Variants in ADAM9 observed in about 807,000 individuals in gnomAD.
The protein encoded by ADAM9 is ADAM metallopeptidase domain 9, also known as disintegrin and metalloproteinase domain-containing protein 9.
In ADAM9, 54 loss-of-function variants were observed where a neutral mutation model predicts 108.1. The observed-to-expected ratio is 0.50, with a 90% CI of 0.40 to 0.63. ADAM9 has a LOEUF of 0.63. ADAM9 is among the 20% of genes least tolerant of loss of function. The pLI is 0.00. For missense variants in ADAM9, 830 were observed against 997.7 expected, an observed-to-expected ratio of 0.83 and a Z score of 2.26; for synonymous variants, 316 against 336.0, an observed-to-expected ratio of 0.94 and a Z score of 0.65.
rs116469458 is a variant in ADAM9, at chr8:39,045,953, C to A, written c.1302+3836C>A. 3.2e-3 allele frequency among the ~76,000 whole-genome samples: 484 copies of A among 151,470 alleles called. 2 individuals are homozygous for A. Among genetic ancestry groups the A allele is most frequent in the African/African-American group, 0.011 (470 of 41,196 alleles). Reference sequence around the variant, plus strand: ...GATATCTCATTGTGGTTTTAATATGCATTCTCTGATTTTCAATGATGTTGA... The same window carrying A: ...GATATCTCATTGTGGTTTTAATATGAATTCTCTGATTTTCAATGATGTTGA... On this transcript the variant is annotated intron_variant, in intron 12 of 21. Transcript: ENST00000487273.
chr8:39,035,689 C>T (rs957043959), intron 11 of ADAM9, among the ~76,000 whole-genome samples: 4 of 151,906 alleles, frequency 2.6e-5, no homozygotes, highest in Non-Finnish European at 2.9e-5. Context: ...TGGTGGCGGG[C>T]GCCTGTAGTC....
At chr8:39,024,603 A>G (rs1836860857) in intron 9 of ADAM9, among the ~76,000 whole-genome samples, 1 of 152,184 alleles carries the variant, frequency 6.6e-6, no homozygotes, top group African/African-American at 2.4e-5. Context: ...ACCTCTGGTC[A>G]TCTTCTCCTG....
chr8:38,999,112 C>T lies in ADAM9; in HGVS notation c.97+1952C>T, dbSNP rs117093383. 7.9e-5 allele frequency among the ~76,000 whole-genome samples: 12 copies of T among 152,102 alleles called. No homozygotes were observed. In the East Asian group the frequency reaches 2.1e-3, roughly 27 times the overall value. ...GTCAACTCTTGTTTCTCTCGGGGAACGTTCATACAAAATCAGCTGACCACA... is the reference window on the plus strand; with the variant it reads ...GTCAACTCTTGTTTCTCTCGGGGAATGTTCATACAAAATCAGCTGACCACA... On this transcript the variant is annotated intron_variant, in intron 1 of 21. Coordinates refer to ENST00000487273, the MANE Select transcript of ADAM9 (RefSeq NM_003816.3).
chr8:39,101,762 T>A, intron 20 of ADAM9, 101 bp from the exon 21 acceptor site: 1 of 945,394 alleles, frequency 1.1e-6, no homozygotes, highest in Non-Finnish European at 1.6e-6. Context: ...AATATTCAAC[T>A]GTAGTCTGTT....
At chr8:39,021,531 G>T (rs950289029) in intron 7 of ADAM9, 112 bp from the exon 8 acceptor site, 5 of 912,554 alleles carry the variant, frequency 5.5e-6, no homozygotes, top group Non-Finnish European at 9.0e-6. Context: ...TGATCTACCC[G>T]CCTGGGCCTC....
chr8:39,060,073 A>T (rs1838250905), intron 14 of ADAM9, among the ~76,000 whole-genome samples: 1 of 152,204 alleles, frequency 6.6e-6, no homozygotes, highest in Non-Finnish European at 1.5e-5. Flanking sequence ...CCAGTTTATC[A>T]TGGGCAACTC....
chr8:39,103,918 G>A lies in ADAM9; in HGVS notation c.*218G>A, dbSNP rs746792447. 5.3e-5 allele frequency: 36 copies of A among 681,406 alleles called. No individual in the cohort carries two copies. Among genetic ancestry groups the A allele is most frequent in the South Asian group, 1.4e-4 (9 of 66,542 alleles). The allele number at this position is 681,406 out of a possible 1,614,324, so 42.2% of individuals were successfully genotyped here. On this transcript the variant is annotated 3_prime_UTR_variant, in exon 22 of 22. Coordinates refer to ENST00000487273, the MANE Select transcript of ADAM9 (RefSeq NM_003816.3). ...CCAGGGAATTTACAATAACATTTCC[G>A]TTTCCATCATTGAATAAGTCTTATT...
At position 39,055,679 on chromosome 8, in the gene ADAM9, C is replaced by G. The variant is rs758178296; in HGVS notation, c.1498C>G (p.Gln500Glu). 6.2e-7 allele frequency: 1 copy of G among 1,613,740 alleles called. No individual in the cohort carries two copies. Among genetic ancestry groups the G allele is most frequent in the South Asian group, 1.1e-5 (1 of 91,056 alleles). ...SQFCQPDVFIQNGYPCQNNKA... is the reference protein window; with the variant it reads ...SQFCQPDVFIENGYPCQNNKA... ...GTTCTGTCAGCCAGATGTTTTTATT[C>G]AGAATGGATATCCTTGCCAGAATAA... The change falls in exon 14 of 22, where the codon CAG (glutamine) becomes GAG (glutamate). Residue 500 changes from glutamine to glutamate, a missense_variant. Gln to Glu is a conservative substitution (Grantham distance 29, BLOSUM62 2). Coordinates refer to ENST00000487273, the MANE Select transcript of ADAM9 (RefSeq NM_003816.3).
chr8:39,039,673 A>G (rs1029081319), intron 11 of ADAM9, among the ~76,000 whole-genome samples: 4 of 152,274 alleles, frequency 2.6e-5, no homozygotes, highest in African/African-American at 9.6e-5. Context: ...GGCTTGCTTC[A>G]CGCAGCATAA....
At chr8:39,002,681 G>A (rs1836039931) in intron 1 of ADAM9, among the ~76,000 whole-genome samples, 1 of 152,134 alleles carries the variant, frequency 6.6e-6, no homozygotes, top group African/African-American at 2.4e-5. Context: ...TATGAAAAGT[G>A]TGCTCAGACT....
chr8:39,026,870 T>C (rs959233984), intron 11 of ADAM9, 60 bp downstream of exon 11: 4 of 1,599,436 alleles, frequency 2.5e-6, no homozygotes, highest in African/African-American at 2.7e-5. Flanking sequence ...TTTCTTACAC[T>C]GTGAGGGATA....
intron 18 of ADAM9, 84 bp downstream of exon 18, chr8:39,083,157 C>T: frequency 2.1e-6 from 2 of 951,682 alleles, no homozygotes; most frequent in South Asian, 2.7e-5. Context: ...CCCTCACTTC[C>T]CACATCAGTT....
intron 1 of ADAM9, among the ~76,000 whole-genome samples, chr8:38,997,656 G>A (rs181794946): frequency 2.6e-5 from 4 of 152,352 alleles, no homozygotes; most frequent in Non-Finnish European, 4.4e-5. Flanking sequence ...AAATTTTGAC[G>A]TTCATGGTAT....
intron 1 of ADAM9, among the ~76,000 whole-genome samples, chr8:39,006,158 G>C (rs1009303706): frequency 1.3e-5 from 2 of 152,134 alleles, no homozygotes; most frequent in African/African-American, 4.8e-5. Context: ...AATCAAGTTT[G>C]ATTCCTTAAA....
intron 11 of ADAM9, among the ~76,000 whole-genome samples, chr8:39,041,338 C>T (rs540105335): frequency 1.3e-5 from 2 of 152,290 alleles, no homozygotes; most frequent in South Asian, 2.1e-4. Context: ...GTACTAACCA[C>T]GGTTCCCAGG....
At chr8:39,089,320 T>G (rs1231150314) in intron 18 of ADAM9, among the ~76,000 whole-genome samples, 1 of 152,060 alleles carries the variant, frequency 6.6e-6, no homozygotes. Flanking sequence ...TAAGAGAAAA[T>G]TTTTCACCTG....
chr8:39,087,804 C>A (rs1048762078), intron 18 of ADAM9, among the ~76,000 whole-genome samples: 6 of 152,144 alleles, frequency 3.9e-5, no homozygotes, highest in Non-Finnish European at 7.3e-5. Context: ...GACCGTTGAA[C>A]AATGCAAAGG....
At chr8:39,057,324 G>A (rs927240103) in intron 14 of ADAM9, among the ~76,000 whole-genome samples, 2 of 149,142 alleles carry the variant, frequency 1.3e-5, no homozygotes, top group African/African-American at 2.4e-5. Flanking sequence ...GAATTATTAC[G>A]TGAATCTAAT....
intron 4 of ADAM9, chr8:39,014,369 C>T (rs1383972079): frequency 9.1e-6 from 5 of 546,548 alleles, no homozygotes; most frequent in African/African-American, 7.7e-5. Context: ...AAGTTAATAT[C>T]TCTAAAAGTG....
Sources: gnomAD v4.1 joint callset for allele counts (sites outside exome capture counted in the v4.1 genomes callset) on GRCh38, gnomAD v4.1.1 for gene constraint, MANE v1.5 for transcripts, NCBI Gene and HGNC (gene_info 2026-07-23, HGNC 2026-07-21) for gene names.